The following ZBTB20 variants were observed in gnomAD, a reference collection of about 807,000 sequenced individuals.
ZBTB20 encodes zinc finger and BTB domain containing 20.
ZBTB20 carries 9 observed loss-of-function variants against 56.9 expected under a neutral mutation model. The ratio of observed to expected loss-of-function variants is 0.16; its 90% CI spans 0.10 to 0.28. The LOEUF is 0.28. Among genes scored for constraint, ZBTB20 ranks in the 10% least tolerant of loss-of-function variants. The pLI is 1.00. For synonymous variants in ZBTB20, 417 were observed against 420.7 expected (o/e 0.99, Z 0.11); for missense variants, 655 against 1,003.0 (o/e 0.65, Z 4.69).
At chr3:114,729,958 T>A (rs1349869856) in intron 5 of ZBTB20, among the ~76,000 whole-genome samples, 1 of 139,456 alleles carries the variant, frequency 7.2e-6, no homozygotes, top group East Asian at 2.2e-4. Flanking sequence ...TCCGGCTAAT[T>A]TTTTTTTTTT....
intron 3 of ZBTB20, among the ~76,000 whole-genome samples, chr3:114,964,619 G>A (rs1488979908): frequency 6.6e-6 from 1 of 152,146 alleles, no homozygotes; most frequent in Non-Finnish European, 1.5e-5. Context: ...AGAAAGCATG[G>A]CATCCACAGT....
At chr3:114,819,779 AT>A (rs2073135678) in intron 4 of ZBTB20, among the ~76,000 whole-genome samples, 1 of 151,972 alleles carries the variant, frequency 6.6e-6, no homozygotes, top group Non-Finnish European at 1.5e-5. Flanking sequence ...AGAGAAAAAA[AT>A]ACACAAGAAA....
At chr3:114,989,907 TGTTA>T (rs1401635833) in intron 2 of ZBTB20, among the ~76,000 whole-genome samples, 6 of 152,216 alleles carry the variant, frequency 3.9e-5, no homozygotes, top group Non-Finnish European at 8.8e-5. Context: ...TCTGTTTGTC[TGTTA>T]TTGGTGTATA....
chr3:114,990,564 C>A (rs1225893492), intron 2 of ZBTB20, among the ~76,000 whole-genome samples: 1 of 151,996 alleles, frequency 6.6e-6, no homozygotes, highest in Admixed American at 6.6e-5. Context: ...GTCTAAAATT[C>A]TCTTTTTTTG....
chr3:114,440,349 GA>G (rs900562040), intron 7 of ZBTB20, among the ~76,000 whole-genome samples: 38 of 151,100 alleles, frequency 2.5e-4, no homozygotes, highest in South Asian at 1.0e-3. Context: ...GGAGCTGGGG[GA>G]AAAAAAAATC....
chr3:115,142,741 T>C (rs1185411241), intron 1 of ZBTB20, among the ~76,000 whole-genome samples: 3 of 152,104 alleles, frequency 2.0e-5, no homozygotes, highest in Non-Finnish European at 2.9e-5. Context: ...TTCCTATTTA[T>C]AGTTTTCAGA....
intron 7 of ZBTB20, among the ~76,000 whole-genome samples, chr3:114,496,250 AT>A (rs1306956268): frequency 6.6e-6 from 1 of 151,912 alleles, no homozygotes; most frequent in Non-Finnish European, 1.5e-5. Flanking sequence ...TGCATGCCAT[AT>A]TGGTGCTATA....
intron 3 of ZBTB20, among the ~76,000 whole-genome samples, chr3:114,922,086 C>A (rs1028460027): frequency 2.0e-5 from 3 of 152,098 alleles, no homozygotes; most frequent in African/African-American, 7.2e-5. Context: ...CACATTAACA[C>A]AATGAAGGAT....
chr3:114,678,275 A>G (rs2061751778), intron 6 of ZBTB20, among the ~76,000 whole-genome samples: 1 of 152,218 alleles, frequency 6.6e-6, no homozygotes, highest in Admixed American at 6.5e-5. Flanking sequence ...TGGCATCATC[A>G]ACCAATATCA....
intron 7 of ZBTB20, among the ~76,000 whole-genome samples, chr3:114,494,672 G>C (rs1436426183): frequency 6.6e-6 from 1 of 152,168 alleles, no homozygotes; most frequent in Non-Finnish European, 1.5e-5. Flanking sequence ...CTATCGGGAG[G>C]TGATGACCTG....
chr3:114,502,392 G>C (rs1026166702), intron 6 of ZBTB20, among the ~76,000 whole-genome samples: 4 of 152,170 alleles, frequency 2.6e-5, no homozygotes, highest in Non-Finnish European at 5.9e-5. Flanking sequence ...ATTTCCCTTT[G>C]TGGTCAATGT....
chr3:114,667,037 C>T (rs549275289), intron 6 of ZBTB20, among the ~76,000 whole-genome samples: 1 of 152,138 alleles, frequency 6.6e-6, no homozygotes, highest in South Asian at 2.1e-4. Context: ...GAAAAGTTCT[C>T]TACTTTTTAA....
chr3:114,386,063 C>G (rs955087368), intron 8 of ZBTB20, among the ~76,000 whole-genome samples: 2 of 152,164 alleles, frequency 1.3e-5, no homozygotes, highest in Non-Finnish European at 2.9e-5. Flanking sequence ...TACACTACAC[C>G]ATGAGCTCCT....
chr3:114,422,981 T>C (rs2089323881), intron 7 of ZBTB20, among the ~76,000 whole-genome samples: 3 of 152,198 alleles, frequency 2.0e-5, no homozygotes, highest in South Asian at 4.1e-4. Flanking sequence ...GGAAAGGGTA[T>C]TTTCCATCAT....
intron 6 of ZBTB20, among the ~76,000 whole-genome samples, chr3:114,670,945 AT>A (rs1335129497): frequency 6.6e-6 from 1 of 152,020 alleles, no homozygotes; most frequent in Non-Finnish European, 1.5e-5. Context: ...AACTGTTGAC[AT>A]TTTTTGCTGC....
chr3:115,134,493 T>G (rs2084600467), intron 1 of ZBTB20, among the ~76,000 whole-genome samples: 1 of 152,174 alleles, frequency 6.6e-6, no homozygotes, highest in South Asian at 2.1e-4. Context: ...CTTTTTTTTT[T>G]CAATATTTCA....
chr3:114,995,951 A>G (rs2079008795), intron 2 of ZBTB20, among the ~76,000 whole-genome samples: 1 of 151,852 alleles, frequency 6.6e-6, no homozygotes, highest in Admixed American at 6.6e-5. Context: ...AATAAAATTA[A>G]TATTATTCAT....
intron 6 of ZBTB20, among the ~76,000 whole-genome samples, chr3:114,551,135 G>T (rs879906828): frequency 6.6e-6 from 1 of 152,128 alleles, no homozygotes; most frequent in Non-Finnish European, 1.5e-5. Flanking sequence ...TATTTCGATT[G>T]TCTTTAAATC....
intron 5 of ZBTB20, among the ~76,000 whole-genome samples, chr3:114,725,294 T>A (rs1158863592): frequency 6.6e-6 from 1 of 152,224 alleles, no homozygotes. Context: ...AATTATCATT[T>A]AGCCACTAAC....
Sources: allele counts gnomAD v4.1 joint callset (sites outside exome capture counted in the v4.1 genomes callset), GRCh38; gene constraint gnomAD v4.1.1; transcripts MANE v1.5; gene names NCBI Gene and HGNC (gene_info 2026-07-23, HGNC 2026-07-21).